The following AGAP6 variants were observed in gnomAD, a reference collection of about 807,000 sequenced individuals.
AGAP6 encodes arf-GAP with GTPase, ANK repeat and PH domain-containing protein 6.
Under a neutral mutation model 63.9 loss-of-function variants are expected in AGAP6, and 29 were observed. That is an observed-to-expected ratio of 0.45 (90% CI 0.34 to 0.62). The LOEUF (loss-of-function observed/expected upper bound fraction) is 0.62, where lower values mean the gene tolerates loss of function less well. AGAP6 is among the 20% of genes least tolerant of loss of function. AGAP6 has a pLI of 0.01. For missense variants in AGAP6, 493 were observed against 884.9 expected (o/e 0.56, Z 5.62); for synonymous variants, 199 against 332.9 (o/e 0.60, Z 4.38).
chr10:50,008,684 A>C (rs1554864412), intron 7 of AGAP6, 27 bp from the exon 8 acceptor site: 6 of 1,614,088 alleles, frequency 3.7e-6, no homozygotes, highest in Middle Eastern at 1.6e-4. Flanking sequence ...CAATTTTTGA[A>C]GCCATTCCTC....
intron 7 of AGAP6, among the ~76,000 whole-genome samples, chr10:50,008,401 T>TTC (rs1300874851): frequency 6.6e-6 from 1 of 151,798 alleles, no homozygotes; most frequent in African/African-American, 2.4e-5. Context: ...CAGGTCCCTG[T>TTC]TCAAGCAATT....
intron 4 of AGAP6, among the ~76,000 whole-genome samples, chr10:49,996,826 C>A (rs1448466357): frequency 6.6e-6 from 1 of 151,440 alleles, no homozygotes; most frequent in Admixed American, 6.6e-5. Context: ...TTCTGCAAGA[C>A]AAACTGGCTC....
intron 3 of AGAP6, among the ~76,000 whole-genome samples, chr10:49,993,243 G>A (rs1260186998): frequency 1.3e-5 from 2 of 152,110 alleles, no homozygotes; most frequent in Admixed American, 1.3e-4. Context: ...AAACATATCA[G>A]AATTGTATTT....
intron 2 of AGAP6, among the ~76,000 whole-genome samples, chr10:49,989,765 T>G (rs1841196402): frequency 6.6e-6 from 1 of 152,230 alleles, no homozygotes; most frequent in Non-Finnish European, 1.5e-5. Flanking sequence ...AGGAGAGTGC[T>G]TAAAGTAATT....
intron 4 of AGAP6, among the ~76,000 whole-genome samples, chr10:49,996,868 A>G (rs1841511651): frequency 6.6e-6 from 1 of 151,680 alleles, no homozygotes; most frequent in Non-Finnish European, 1.5e-5. Flanking sequence ...TGTAGGCACC[A>G]AAGTTGTGTT....
chr10:50,003,961 G>A (rs1402364282), intron 5 of AGAP6, among the ~76,000 whole-genome samples: 10 of 152,316 alleles, frequency 6.6e-5, no homozygotes, highest in African/African-American at 2.2e-4. Flanking sequence ...TTTAAAAAGT[G>A]CTAATATTGT....
chr10:49,989,140 C>T (rs1330298525), intron 1 of AGAP6, among the ~76,000 whole-genome samples, 168 bp from the exon 2 acceptor site: 3 of 151,520 alleles, frequency 2.0e-5, no homozygotes, highest in African/African-American at 4.9e-5. Flanking sequence ...AGTTTCTTTT[C>T]GCCTCCCCTC....
chr10:49,993,268 G>C (rs1554861379), intron 3 of AGAP6, among the ~76,000 whole-genome samples: 1 of 152,094 alleles, frequency 6.6e-6, no homozygotes, highest in East Asian at 1.9e-4. Flanking sequence ...GTTCCTTCCA[G>C]AGGCATGGGC....
intron 6 of AGAP6, 74 bp from the exon 7 acceptor site, chr10:50,007,951 G>A: frequency 6.2e-7 from 1 of 1,609,150 alleles, no homozygotes; most frequent in Non-Finnish European, 8.5e-7. Flanking sequence ...CACACAGGAG[G>A]CAGTATTTTA....
intron 4 of AGAP6, among the ~76,000 whole-genome samples, chr10:50,001,480 C>T (rs1203161919): frequency 2.1e-5 from 2 of 93,592 alleles, no homozygotes; most frequent in Non-Finnish European, 4.5e-5. Context: ...AGTGCAGTGG[C>T]GCGAACTCGG....
chr10:49,996,240 A>AT (rs1223453324), intron 4 of AGAP6, among the ~76,000 whole-genome samples: 8 of 150,814 alleles, frequency 5.3e-5, no homozygotes, highest in South Asian at 2.1e-4. Flanking sequence ...GTGTTTTAAG[A>AT]TTTTTTTTTA....
intron 6 of AGAP6, among the ~76,000 whole-genome samples, chr10:50,007,555 C>G (rs1841958467): frequency 1.4e-5 from 2 of 143,440 alleles, no homozygotes; most frequent in African/African-American, 5.1e-5. Context: ...TCATCAAAGA[C>G]TGGCCTCTTA....
intron 5 of AGAP6, among the ~76,000 whole-genome samples, chr10:50,004,037 T>A (rs374320159): frequency 1.3e-4 from 20 of 152,192 alleles, no homozygotes; most frequent in African/African-American, 4.8e-4. Context: ...TCTACAAAAT[T>A]AGCTGGGCGT....
At chr10:49,991,812 G>A in intron 3 of AGAP6, 68 bp downstream of exon 3, 1 of 1,583,656 alleles carries the variant, frequency 6.3e-7, no homozygotes, top group South Asian at 1.1e-5. Flanking sequence ...GTTATAGAAA[G>A]TATTTAGAAA....
chr10:49,995,309 C>T (rs550269692), intron 4 of AGAP6, among the ~76,000 whole-genome samples: 31 of 152,322 alleles, frequency 2.0e-4, no homozygotes, highest in African/African-American at 7.0e-4. Flanking sequence ...TCTCCTGGAT[C>T]TTCTTTTTTC....
At chr10:49,989,877 T>A (rs1361713419) in intron 2 of AGAP6, among the ~76,000 whole-genome samples, 9 of 152,316 alleles carry the variant, frequency 5.9e-5, no homozygotes, top group Non-Finnish European at 1.2e-4. Flanking sequence ...CTGATTACTT[T>A]AAAATTCTTA....
In AGAP6 at chr10:49,988,446, T is replaced by G; in HGVS notation, c.-270T>G. ...CAGTTGTTGTGTCTCTCAGCGCTTG[T>G]TGGTTTCACAACCTATTAAATAAGC... On this transcript the variant is annotated 5_prime_UTR_variant, in exon 1 of 8. Coordinates refer to ENST00000412531, the MANE Select transcript of AGAP6 (RefSeq NM_001077665.3). The G allele has an allele frequency of 1.5e-6, 2 of 1,313,304 alleles. 1 individual carries two copies. 81.4% of individuals were successfully genotyped at this position (1,313,304 alleles called of 1,614,324 possible).
intron 2 of AGAP6, among the ~76,000 whole-genome samples, chr10:49,991,304 C>A (rs1841263940): frequency 6.7e-6 from 1 of 149,238 alleles, no homozygotes; most frequent in South Asian, 2.1e-4. Flanking sequence ...ATAGACCTGT[C>A]TTTTAAAACT....
chr10:49,999,945 A>G (rs1554862675), intron 4 of AGAP6, among the ~76,000 whole-genome samples: 1 of 141,918 alleles, frequency 7.0e-6, no homozygotes, highest in Non-Finnish European at 1.5e-5. Flanking sequence ...TCTACAAGGA[A>G]AACAACTTTA....
Sources: allele counts gnomAD v4.1 joint callset (sites outside exome capture counted in the v4.1 genomes callset), GRCh38; gene constraint gnomAD v4.1.1; transcripts MANE v1.5; gene names NCBI Gene and HGNC (gene_info 2026-07-23, HGNC 2026-07-21).